The following GPHN variants were observed in gnomAD, a reference collection of about 807,000 sequenced individuals.
The protein encoded by GPHN is gephyrin.
Under a neutral mutation model 95.5 loss-of-function variants are expected in GPHN, and 17 were observed. The ratio of observed to expected loss-of-function variants is 0.18; its 90% CI spans 0.12 to 0.27. GPHN has a LOEUF of 0.27. Among genes scored for constraint, GPHN ranks in the 10% least tolerant of loss-of-function variants. The pLI, the probability that GPHN is intolerant of heterozygous loss-of-function variation, is 1.00. For missense variants in GPHN, 660 were observed against 978.1 expected (o/e 0.67, Z 4.34); for synonymous variants, 320 against 322.5 (o/e 0.99, Z 0.08).
At chr14:66,836,990 TTGG>T (rs1447720226) in intron 4 of GPHN, among the ~76,000 whole-genome samples, 4 of 146,876 alleles carry the variant, frequency 2.7e-5, no homozygotes, top group Non-Finnish European at 6.0e-5. Flanking sequence ...TTTTACACTG[TTGG>T]TGGGACTGTA....
the GPHN span, among the ~76,000 whole-genome samples, chr14:67,365,270 A>G: frequency 6.6e-6 from 1 of 152,218 alleles, no homozygotes; most frequent in Non-Finnish European, 1.5e-5. Flanking sequence ...GATCTTGATA[A>G]TTGACTCATG....
At chr14:66,982,446 A>T (rs1446031843) in intron 9 of GPHN, among the ~76,000 whole-genome samples, 5 of 152,282 alleles carry the variant, frequency 3.3e-5, no homozygotes, top group South Asian at 4.1e-4. Context: ...CCAGTAATTA[A>T]TCCCTGAGGA....
intron 10 of GPHN, 87 bp from the exon 11 acceptor site, chr14:67,058,562 A>G: frequency 8.8e-7 from 1 of 1,135,832 alleles, no homozygotes; most frequent in Non-Finnish European, 1.3e-6. Flanking sequence ...GGACATTTGA[A>G]ATTGGGAGTT....
chr14:67,199,533 CA>C, the GPHN span: 1 of 1,610,576 alleles, frequency 6.2e-7, no homozygotes, highest in Non-Finnish European at 8.5e-7. Flanking sequence ...TCAGTTGCAG[CA>C]ATTGAAGCCA....
chr14:66,945,572 T>C (rs966310906), intron 8 of GPHN, among the ~76,000 whole-genome samples: 1 of 152,110 alleles, frequency 6.6e-6, no homozygotes, highest in Non-Finnish European at 1.5e-5. Flanking sequence ...AAATCACTAC[T>C]AAAGAAAGTA....
the GPHN span, chr14:67,587,251 G>A: frequency 2.0e-5 from 32 of 1,613,062 alleles, no homozygotes; most frequent in African/African-American, 2.9e-4. Flanking sequence ...TCTCCTACCC[G>A]ATTCCCCAAC....
chr14:67,627,281 A>ATATC, the GPHN span, among the ~76,000 whole-genome samples: 3 of 146,356 alleles, frequency 2.0e-5, no homozygotes, highest in Non-Finnish European at 4.5e-5. Context: ...ATATATATAT[A>ATATC]TCTGAAACTT....
chr14:67,565,584 G>A, the GPHN span, among the ~76,000 whole-genome samples: 9 of 152,162 alleles, frequency 5.9e-5, no homozygotes, highest in Admixed American at 3.3e-4. Flanking sequence ...CATTCCAGCT[G>A]TACTTCCTCT....
chr14:66,584,199 G>A (rs2061327371), intron 1 of GPHN, among the ~76,000 whole-genome samples: 1 of 152,138 alleles, frequency 6.6e-6, no homozygotes, highest in South Asian at 2.1e-4. Context: ...TCTGTTATTG[G>A]TGTATAAGAA....
intron 4 of GPHN, among the ~76,000 whole-genome samples, chr14:66,862,809 G>A (rs2063079180): frequency 6.6e-6 from 1 of 152,050 alleles, no homozygotes; most frequent in East Asian, 1.9e-4. Flanking sequence ...AAAACTGGGT[G>A]TAGAAGGAAC....
At chr14:66,643,212 T>C (rs2153355328) in intron 1 of GPHN, among the ~76,000 whole-genome samples, 1 of 152,198 alleles carries the variant, frequency 6.6e-6, no homozygotes, top group African/African-American at 2.4e-5. Flanking sequence ...AAAATATTTC[T>C]ACACACCCAC....
chr14:67,587,211 T>C, the GPHN span: 6 of 1,613,860 alleles, frequency 3.7e-6, no homozygotes, highest in Non-Finnish European at 5.1e-6. Flanking sequence ...TTTCCTGTGC[T>C]ACCAAGGGGC....
chr14:67,616,359 T>A, the GPHN span: 93 of 152,608 alleles, frequency 6.1e-4, no homozygotes, highest in Non-Finnish European at 9.7e-4. Flanking sequence ...TTAAAGCAGG[T>A]TTTCGTTGGT....
intron 11 of GPHN, among the ~76,000 whole-genome samples, chr14:67,074,443 C>T (rs886346721): frequency 6.6e-6 from 1 of 152,082 alleles, no homozygotes; most frequent in African/African-American, 2.4e-5. Context: ...ATCGATAAAC[C>T]TGTGAATTCT....
the GPHN span, among the ~76,000 whole-genome samples, chr14:67,209,511 TAAC>T: frequency 6.6e-6 from 1 of 152,120 alleles, no homozygotes; most frequent in Non-Finnish European, 1.5e-5. Flanking sequence ...ATATGTATGA[TAAC>T]AGAGTGGAGG....
chr14:67,026,303 A>G (rs2073920395), intron 10 of GPHN, among the ~76,000 whole-genome samples: 1 of 152,218 alleles, frequency 6.6e-6, no homozygotes, highest in Non-Finnish European at 1.5e-5. Context: ...TGCTAGGTAC[A>G]TAATAATCAC....
At chr14:67,449,770 T>A in the GPHN span, among the ~76,000 whole-genome samples, 1 of 152,144 alleles carries the variant, frequency 6.6e-6, no homozygotes, top group Non-Finnish European at 1.5e-5. Context: ...CTTGTGATAG[T>A]GAATGGGTCT....
the GPHN span, chr14:67,303,535 G>A: frequency 6.2e-7 from 1 of 1,613,126 alleles, no homozygotes. Flanking sequence ...GATATGCATG[G>A]TACTTTGACT....
the GPHN span, among the ~76,000 whole-genome samples, chr14:67,452,189 G>T: frequency 1.3e-5 from 2 of 151,986 alleles, no homozygotes; most frequent in African/African-American, 4.8e-5. Flanking sequence ...AAAATTAGCC[G>T]GGTGTGATGG....
Sources: gnomAD v4.1 joint callset for allele counts (sites outside exome capture counted in the v4.1 genomes callset) on GRCh38, gnomAD v4.1.1 for gene constraint, MANE v1.5 for transcripts, NCBI Gene and HGNC (gene_info 2026-07-23, HGNC 2026-07-21) for gene names.